The following CELF2 variants were observed in gnomAD, a reference collection of about 807,000 sequenced individuals.
The protein encoded by CELF2 is CUG triplet repeat RNA-binding protein 2.
In CELF2, 8 loss-of-function variants were observed where a neutral mutation model predicts 62.6. The observed-to-expected ratio is 0.13, with a 90% CI of 0.07 to 0.23. CELF2 has a LOEUF of 0.23. CELF2 is among the 10% of genes least tolerant of loss of function. The pLI is 1.00. For synonymous variants in CELF2, 258 were observed against 250.0 expected (o/e 1.03, Z -0.30); for missense variants, 333 against 671.0 (o/e 0.50, Z 5.56).
At chr10:10,865,814 GA>G (rs1026361222) in intron 1 of CELF2, among the ~76,000 whole-genome samples, 5 of 149,438 alleles carry the variant, frequency 3.3e-5, no homozygotes, top group Middle Eastern at 3.5e-3. Flanking sequence ...AACTTAACTG[GA>G]AAAAAAAAGA....
At chr10:11,133,114 A>G (rs894012707) in intron 1 of CELF2, among the ~76,000 whole-genome samples, 10 of 152,342 alleles carry the variant, frequency 6.6e-5, no homozygotes, top group African/African-American at 1.9e-4. Context: ...GAACGCTAGC[A>G]TCATTTCATC....
Position 11,012,746 on chromosome 10 carries a change from G to A in CELF2, c.53+7306G>A, listed in dbSNP as rs1372980741. 6.6e-6 allele frequency among the ~76,000 whole-genome samples: 1 copy of A among 152,192 alleles called. No homozygotes were observed. The highest frequency in any genetic ancestry group is 1.5e-5 in the Non-Finnish European group (1 of 68,032). ...GGGGCAGTGAGGGGTGGACTGGGAA[G>A]GAATGAAAACCTCATTCTGATAAGT... On this transcript the variant is annotated intron_variant, in intron 1 of 12. Transcript: ENST00000416382. This position sits in a 1 kb window ranked among gnomAD's most constrained non-coding sequence, Gnocchi z 5.5.
intron 1 of CELF2, among the ~76,000 whole-genome samples, chr10:10,894,708 A>T (rs1167215568): frequency 6.6e-6 from 1 of 152,206 alleles, no homozygotes; most frequent in Non-Finnish European, 1.5e-5. Context: ...GAGCATAGGA[A>T]GCCTGTCAGG....
At chr10:11,164,161 A>C (rs903276569) in intron 1 of CELF2, among the ~76,000 whole-genome samples, 1 of 152,222 alleles carries the variant, frequency 6.6e-6, no homozygotes, top group East Asian at 1.9e-4. Flanking sequence ...TCACAGGCTG[A>C]GAAGCTGGAG....
chr10:10,882,200 A>G (rs563404944), intron 1 of CELF2, among the ~76,000 whole-genome samples: 1 of 152,316 alleles, frequency 6.6e-6, no homozygotes, highest in East Asian at 1.9e-4. Flanking sequence ...ATCATGTCTT[A>G]TAACATTCTT....
In CELF2 at chr10:11,270,561, A is replaced by C. The variant is rs1340072158; in HGVS notation, c.619-105A>C. ...GTTTTAAACCATTTCAGCCCATTCC[A>C]TGTGCTCCAGGCTAGTGCAGAAAGG... On this transcript the variant is annotated intron_variant, in intron 6 of 12. Coordinates refer to ENST00000633077, the MANE Select transcript of CELF2 (RefSeq NM_001326342.2). This position sits in a 1 kb window ranked among gnomAD's most constrained non-coding sequence, Gnocchi z 5.8. The C allele has an allele frequency of 2.0e-6, 2 of 993,346 alleles. No individual in the cohort carries two copies. Among genetic ancestry groups the C allele is most frequent in the African/African-American group, 3.3e-5 (2 of 59,882 alleles). The allele number at this position is 993,346 out of a possible 1,614,324, so 61.5% of individuals were successfully genotyped here.
At chr10:10,877,267 G>C (rs1397487382) in intron 1 of CELF2, among the ~76,000 whole-genome samples, 2 of 152,234 alleles carry the variant, frequency 1.3e-5, no homozygotes, top group African/African-American at 4.8e-5. Flanking sequence ...CAAGGTCAAG[G>C]ACACACCCGT....
At chr10:10,756,915 A>T in the CELF2 span, among the ~76,000 whole-genome samples, 1 of 152,302 alleles carries the variant, frequency 6.6e-6, no homozygotes, top group Non-Finnish European at 1.5e-5. Flanking sequence ...AGGCCAAGGC[A>T]GGCAGATCAT....
At chr10:11,266,345 C>T (rs1211565584) in intron 5 of CELF2, among the ~76,000 whole-genome samples, 2 of 152,122 alleles carry the variant, frequency 1.3e-5, no homozygotes, top group African/African-American at 4.8e-5. Flanking sequence ...ACTTCCTCCC[C>T]TAGTTTCCAT....
intron 1 of CELF2, among the ~76,000 whole-genome samples, chr10:10,876,657 A>G (rs2061115176): frequency 6.6e-6 from 1 of 151,760 alleles, no homozygotes; most frequent in Non-Finnish European, 1.5e-5. Context: ...CTCTTTACTG[A>G]CTCCTACCCT....
intron 2 of CELF2, among the ~76,000 whole-genome samples, chr10:10,958,248 T>C (rs1592407819): frequency 6.6e-6 from 1 of 152,244 alleles, no homozygotes; most frequent in East Asian, 1.9e-4. Flanking sequence ...AATATCACTT[T>C]TCCTGGGCTT....
At position 11,242,174 on chromosome 10, in the gene CELF2, A is replaced by G. The variant is rs1026468214; in HGVS notation, c.355-6979A>G. On this transcript the variant is annotated intron_variant, in intron 3 of 12. Transcript: ENST00000633077. This position sits in a 1 kb window ranked among gnomAD's most constrained non-coding sequence, Gnocchi z 4.8. Reference sequence around the variant, plus strand: ...AGCACGGCTGCTCTCTCCAGGGGTCAGGATGGGTTTAATAATGAGATGCGT... The same window carrying G: ...AGCACGGCTGCTCTCTCCAGGGGTCGGGATGGGTTTAATAATGAGATGCGT... 3.3e-5 allele frequency among the ~76,000 whole-genome samples: 5 copies of G among 152,236 alleles called. No homozygotes were observed. Among genetic ancestry groups the G allele is most frequent in the African/African-American group, 1.2e-4 (5 of 41,454 alleles).
intron 1 of CELF2, among the ~76,000 whole-genome samples, chr10:10,902,528 G>T (rs529601104): frequency 4.3e-4 from 66 of 152,290 alleles, no homozygotes; most frequent in Admixed American, 1.4e-3. Context: ...TTCTATTTAT[G>T]TACAATTCCA....
intron 1 of CELF2, among the ~76,000 whole-genome samples, chr10:10,833,730 A>G (rs949129590): frequency 3.9e-5 from 6 of 152,244 alleles, no homozygotes; most frequent in Non-Finnish European, 7.3e-5. Context: ...ATCACTGATC[A>G]CTAGAGAAAT....
At chr10:10,517,577 G>A in the CELF2 span, among the ~76,000 whole-genome samples, 1 of 152,126 alleles carries the variant, frequency 6.6e-6, no homozygotes, top group Non-Finnish European at 1.5e-5. Context: ...CTGAAGCCTG[G>A]ATCCCTTAGT....
the CELF2 span, among the ~76,000 whole-genome samples, chr10:10,652,816 A>T: frequency 6.6e-6 from 1 of 152,094 alleles, no homozygotes; most frequent in Non-Finnish European, 1.5e-5. Context: ...TGCATCAACT[A>T]AAGAGCAAAA....
chr10:10,897,085 A>G (rs2062611730), intron 1 of CELF2, among the ~76,000 whole-genome samples: 1 of 152,206 alleles, frequency 6.6e-6, no homozygotes. Context: ...GAATTCCTTG[A>G]AGAGATTATT....
chr10:10,691,753 G>A, the CELF2 span, among the ~76,000 whole-genome samples: 4 of 146,472 alleles, frequency 2.7e-5, no homozygotes, highest in East Asian at 2.1e-4. Context: ...TTCTCTGATG[G>A]CCAGTGATGA....
intron 1 of CELF2, among the ~76,000 whole-genome samples, chr10:10,917,386 G>A (rs918897414): frequency 1.3e-5 from 2 of 152,214 alleles, no homozygotes; most frequent in African/African-American, 4.8e-5. Flanking sequence ...CCAGACTGGA[G>A]TGGACTGGTG....
Sources: gnomAD v4.1 joint callset for allele counts (sites outside exome capture counted in the v4.1 genomes callset) on GRCh38, gnomAD v4.1.1 for gene constraint, Gnocchi (gnomAD v3.1) non-coding constraint, MANE v1.5 for transcripts, NCBI Gene and HGNC (gene_info 2026-07-23, HGNC 2026-07-21) for gene names.